Variants in CAVIN2 observed in about 807,000 individuals in gnomAD.
The protein encoded by CAVIN2 is caveolae associated protein 2.
CAVIN2 carries 13 observed loss-of-function variants against 11.7 expected under a neutral mutation model. The ratio of observed to expected loss-of-function variants is 1.11; its 90% CI spans 0.72 to 1.77. The LOEUF (loss-of-function observed/expected upper bound fraction) is 1.77. CAVIN2 is among the 40% of genes most tolerant of loss of function. The pLI, the probability that CAVIN2 is intolerant of heterozygous loss-of-function variation, is 0.00. For synonymous variants in CAVIN2, 237 were observed against 223.2 expected (o/e 1.06, Z -0.55); for missense variants, 549 against 542.9 (o/e 1.01, Z -0.11).
chr2:191,842,545 T>C (rs1168478968), intron 1 of CAVIN2, among the ~76,000 whole-genome samples: 1 of 152,240 alleles, frequency 6.6e-6, no homozygotes, highest in Non-Finnish European at 1.5e-5. Flanking sequence ...AAAGTCTCAG[T>C]CTTTCTTTAG....
rs765261157 is a variant in CAVIN2 at position 191,846,919 on chromosome 2, C to G, written c.7G>C (p.Glu3Gln). The G allele has an allele frequency of 5.0e-6, 8 of 1,603,816 alleles. No individual in the cohort carries two copies. The highest frequency in any genetic ancestry group is 6.8e-6 in the Non-Finnish European group (8 of 1,175,810). The change falls in exon 1 of 2, where the codon GAG (glutamate) becomes CAG (glutamine). Residue 3 changes from glutamate (E) to glutamine (Q), a missense_variant. By Grantham distance (29) the Glu-to-Gln change is conservative (BLOSUM62 2). Transcript: ENST00000304141. MG[E>Q]DAAQAEKFQH... The stretch of plus-strand genomic sequence containing the variant: ...AACTTTTCGGCCTGTGCAGCGTCCT[C>G]TCCCATGGCTAGGCAGGTGGGAACG...
At chr2:191,844,193 A>G (rs1304172050) in intron 1 of CAVIN2, among the ~76,000 whole-genome samples, 3 of 152,206 alleles carry the variant, frequency 2.0e-5, no homozygotes, top group African/African-American at 7.2e-5. Flanking sequence ...GATTTGAACT[A>G]CTGTTTGTGT....
chr2:191,836,187 G>C lies in CAVIN2; in HGVS notation c.1014C>G (p.Ser338=). The C allele has an allele frequency of 6.2e-7, 1 of 1,614,086 alleles. No individual in the cohort carries two copies. The highest frequency in any genetic ancestry group is 8.5e-7 in the Non-Finnish European group (1 of 1,180,026). Residue 338 remains serine (S), a synonymous_variant, in exon 2 of 2, where the codon TCC becomes TCG. Transcript: ENST00000304141. ...CCAGAGCGCTGGCGAGGGACGCTTCGGAATGACCCTCTGCAAAGGACTCCT... is the reference window on the plus strand; with the variant it reads ...CCAGAGCGCTGGCGAGGGACGCTTCCGAATGACCCTCTGCAAAGGACTCCT... ...QEEESFAEGH[S]EASLASALVE...
In CAVIN2 at chr2:191,847,039, T is replaced by C; in HGVS notation, c.-114A>G. 1 of 1,357,096 alleles carries C rather than the reference T, an allele frequency of 7.4e-7. No individual in the cohort carries two copies. Among genetic ancestry groups the C allele is most frequent in the South Asian group, 1.4e-5 (1 of 69,902 alleles). The allele number at this position is 1,357,096 out of a possible 1,614,324, so 84.1% of individuals were successfully genotyped here. The stretch of plus-strand genomic sequence containing the variant: ...CGCTGGTTGGAGCTCAGGGCACCAG[T>C]CTCCAGGACTGGCAGAGGTTCAGAC... On this transcript the variant is annotated 5_prime_UTR_variant, in exon 1 of 2. Coordinates refer to ENST00000304141, the MANE Select transcript of CAVIN2 (RefSeq NM_004657.6).
chr2:191,836,218 T>A lies in CAVIN2; in HGVS notation c.983A>T (p.Gln328Leu). ...LPSSEQMPND[Q>L]EEESFAEGHS... ...ACCCTCTGCAAAGGACTCCTCTTCCTGGTCATTTGGCATCTGCTCACTGCT... is the reference window on the plus strand; with the variant it reads ...ACCCTCTGCAAAGGACTCCTCTTCCAGGTCATTTGGCATCTGCTCACTGCT... Residue 328 changes from glutamine to leucine, a missense_variant, in exon 2 of 2, where the codon CAG becomes CTG. Coordinates refer to ENST00000304141, the MANE Select transcript of CAVIN2 (RefSeq NM_004657.6). The A allele has an allele frequency of 6.2e-7, 1 of 1,614,114 alleles. No homozygotes were observed.
Position 191,846,547 on chromosome 2 carries a change from C to G in CAVIN2, c.379G>C (p.Ala127Pro). ...KSRKVSAHTR[A>P]VKERMDRQCA... ...TGCCTATCCATGCGCTCTTTGACCG[C>G]GCGCGTGTGGGCGCTGACCTTGCGG... The change falls in exon 1 of 2, where the codon GCG (alanine) becomes CCG (proline). Residue 127 changes from alanine to proline, a missense_variant. Coordinates refer to ENST00000304141, the MANE Select transcript of CAVIN2 (RefSeq NM_004657.6). 6.2e-7 allele frequency: 1 copy of G among 1,614,256 alleles called. No individual in the cohort carries two copies. Among genetic ancestry groups the G allele is most frequent in the Non-Finnish European group, 8.5e-7 (1 of 1,180,058 alleles).
At position 191,846,728 on chromosome 2, in the gene CAVIN2, C is replaced by T. The variant is rs61735646; in HGVS notation, c.198G>A (p.Val66=). The T allele has an allele frequency of 9.7e-4, 1,573 of 1,614,214 alleles. 17 individuals carry two copies. In the African/African-American group the frequency reaches 0.019, roughly 19 times the overall value. The part of the protein sequence containing the change: ...VTVLTLLDKL[V]NMLDAVQENQ... ...TCTCCTGCACAGCGTCTAGCATGTT[C>T]ACCAGCTTGTCCAGGAGCGTGAGCA... is the stretch of plus-strand genomic sequence containing the variant. Residue 66 remains valine (V), a synonymous_variant, in exon 1 of 2, where the codon GTG becomes GTA. Coordinates refer to ENST00000304141, the MANE Select transcript of CAVIN2 (RefSeq NM_004657.6).
chr2:191,836,241 G>T lies in CAVIN2; in HGVS notation c.960C>A (p.Ser320Arg). ...ENETKSEDLPSSEQMPNDQEE... is the reference protein window; with the variant it reads ...ENETKSEDLPRSEQMPNDQEE... ...CCTGGTCATTTGGCATCTGCTCACTGCTAGGCAGGTCTTCTGACTTGGTCT... is the reference window on the plus strand; with the variant it reads ...CCTGGTCATTTGGCATCTGCTCACTTCTAGGCAGGTCTTCTGACTTGGTCT... Residue 320 changes from serine to arginine, a missense_variant, in exon 2 of 2, where the codon AGC becomes AGA. By Grantham distance (110) the Ser-to-Arg change is moderately radical (BLOSUM62 -1). Transcript: ENST00000304141. 2.5e-6 allele frequency: 4 copies of T among 1,614,060 alleles called. No individual in the cohort carries two copies. The highest frequency in any genetic ancestry group is 1.1e-5 in the South Asian group (1 of 91,084).
At chr2:191,841,457 C>T (rs1173449776) in intron 1 of CAVIN2, among the ~76,000 whole-genome samples, 1 of 152,200 alleles carries the variant, frequency 6.6e-6, no homozygotes, top group African/African-American at 2.4e-5. Context: ...TGAAACCTTG[C>T]TAGTCACTGT....
At chr2:191,840,619 A>G (rs775049660) in intron 1 of CAVIN2, among the ~76,000 whole-genome samples, 4 of 152,234 alleles carry the variant, frequency 2.6e-5, no homozygotes, top group Non-Finnish European at 5.9e-5. Flanking sequence ...CTAGTGAACT[A>G]ATAGTCCTAT....
chr2:191,837,372 A>C (rs562375503), intron 1 of CAVIN2, among the ~76,000 whole-genome samples: 17 of 152,274 alleles, frequency 1.1e-4, no homozygotes, highest in Admixed American at 3.3e-4. Flanking sequence ...TCTGGTTTAG[A>C]ATATCCTTTG....
At chr2:191,843,851 T>A (rs567642998) in intron 1 of CAVIN2, among the ~76,000 whole-genome samples, 7 of 152,334 alleles carry the variant, frequency 4.6e-5, no homozygotes, top group Non-Finnish European at 8.8e-5. Context: ...GTTATTTCTT[T>A]CATTCCTCAC....
At chr2:191,839,625 T>C (rs753569801) in intron 1 of CAVIN2, among the ~76,000 whole-genome samples, 2 of 152,214 alleles carry the variant, frequency 1.3e-5, no homozygotes, top group African/African-American at 4.8e-5. Context: ...ATGCCAGCTA[T>C]AAAAATAAAC....
At position 191,835,364 on chromosome 2, in the gene CAVIN2, CA is replaced by C. The variant is rs1022056153; in HGVS notation, c.*558del. Reference sequence around the variant, plus strand: ...AATCTCTTCATTTTTCCTTCGTTTGCAATAAAACAATGGTTTCTAGCAAGTA... The same window carrying C: ...AATCTCTTCATTTTTCCTTCGTTTGCATAAAACAATGGTTTCTAGCAAGTA... On this transcript the variant is annotated 3_prime_UTR_variant, in exon 2 of 2. Coordinates refer to ENST00000304141, the MANE Select transcript of CAVIN2 (RefSeq NM_004657.6). 4 of 152,100 alleles carry C rather than the reference CA, an allele frequency of 2.6e-5. No individual in the cohort carries two copies. Among genetic ancestry groups the C allele is most frequent in the African/African-American group, 9.7e-5 (4 of 41,412 alleles). The allele number at this position is 152,100 out of a possible 1,614,324, so 9.4% of individuals were successfully genotyped here.
rs1574197508 is a variant in CAVIN2 at position 191,846,993 on chromosome 2, G to T, written c.-68C>A. On this transcript the variant is annotated 5_prime_UTR_variant, in exon 1 of 2. Coordinates refer to ENST00000304141, the MANE Select transcript of CAVIN2 (RefSeq NM_004657.6). ...CTTGCTCGGGTGAGAAGTTGCGGTG[G>T]TGAGGGTGTAGGATGAGGCCCGCTG... is the stretch of plus-strand genomic sequence containing the variant. The T allele has an allele frequency of 6.5e-7, 1 of 1,534,458 alleles. No individual in the cohort carries two copies. Among genetic ancestry groups the T allele is most frequent in the Non-Finnish European group, 8.7e-7 (1 of 1,149,752 alleles).
chr2:191,834,918 A>C lies in CAVIN2; in HGVS notation c.*1005T>G, dbSNP rs961535037. 6 of 152,094 alleles carry C rather than the reference A, an allele frequency of 3.9e-5. No individual in the cohort carries two copies. The highest frequency in any genetic ancestry group is 1.2e-4 in the African/African-American group (5 of 41,442). The allele number at this position is 152,094 out of a possible 1,614,324, so 9.4% of individuals were successfully genotyped here. ...GAGCATTAAAGAATAGTATGAGCTA[A>C]GTTTCCACAAAACAGTATATATTAA... On this transcript the variant is annotated 3_prime_UTR_variant, in exon 2 of 2. Transcript: ENST00000304141.
At position 191,836,663 on chromosome 2, in the gene CAVIN2, C is replaced by T. The variant is rs541763962; in HGVS notation, c.538G>A (p.Val180Met). The T allele has an allele frequency of 3.4e-5, 55 of 1,614,000 alleles. No homozygotes were observed. In the South Asian group the frequency reaches 4.8e-4, roughly 14 times the overall value. Residue 180 changes from valine to methionine, a missense_variant, in exon 2 of 2, where the codon GTG (valine) becomes ATG (methionine). Transcript: ENST00000304141. Reference sequence around the variant, plus strand: ...TCCGGAAGCTCCTCCTTCCCTTCCACGGCACCGGAAACGGGCTGTTTCACA... The same window carrying T: ...TCCGGAAGCTCCTCCTTCCCTTCCATGGCACCGGAAACGGGCTGTTTCACA... ...VFVKQPVSGAVEGKEELPDEN... is the reference protein window; with the variant it reads ...VFVKQPVSGAMEGKEELPDEN...
chr2:191,843,253 C>T (rs1478430006), intron 1 of CAVIN2, among the ~76,000 whole-genome samples: 2 of 152,064 alleles, frequency 1.3e-5, no homozygotes, highest in Non-Finnish European at 2.9e-5. Context: ...TAGATTTCGG[C>T]GGGCTCAACA....
chr2:191,836,913 G>T (rs979460405), intron 1 of CAVIN2, among the ~76,000 whole-genome samples, 196 bp from the exon 2 acceptor site: 3 of 152,206 alleles, frequency 2.0e-5, no homozygotes, highest in African/African-American at 7.2e-5. Flanking sequence ...TAAGGCCAAG[G>T]GCAGCCTGTT....
Sources: allele counts gnomAD v4.1 joint callset (sites outside exome capture counted in the v4.1 genomes callset), GRCh38; gene constraint gnomAD v4.1.1; transcripts MANE v1.5; gene names NCBI Gene and HGNC (gene_info 2026-07-23, HGNC 2026-07-21).